The following ABI3 variants were observed in gnomAD, a reference collection of about 807,000 sequenced individuals.
ABI3 encodes ABI family member 3, also known as ABI gene family member 3.
ABI3 carries 24 observed loss-of-function variants against 37.0 expected under a neutral mutation model. That is an observed-to-expected ratio of 0.65 (90% CI 0.47 to 0.91). ABI3 has a LOEUF of 0.91. Among genes scored for constraint, ABI3 ranks in the 40% least tolerant of loss-of-function variants. The pLI is 0.00. For synonymous variants in ABI3, 220 were observed against 211.8 expected, an observed-to-expected ratio of 1.04 and a Z score of -0.34; for missense variants, 481 against 485.1, an observed-to-expected ratio of 0.99 and a Z score of 0.08.
Position 49,219,733 on chromosome 17 carries a change from C to G in ABI3, c.548+108C>G. 16 of 1,412,990 alleles carry G rather than the reference C, an allele frequency of 1.1e-5. No individual in the cohort carries two copies. Among genetic ancestry groups the G allele is most frequent in the Non-Finnish European group, 1.6e-5 (16 of 1,031,386 alleles). 87.5% of individuals were successfully genotyped at this position (1,412,990 alleles called of 1,614,324 possible). A position where few individuals can be genotyped will look rare whatever the true frequency, so the allele number is the denominator to read the frequency against. ...CCCTGGCGCCCCCGGGTGCTCAGGC[C>G]GTCATGCTGGATGCCTGGCGCCAAA... On this transcript the variant is annotated intron_variant, in intron 4 of 7. Transcript: ENST00000225941. The surrounding 1 kb of genome is among the most constrained non-coding windows in gnomAD (Gnocchi z 4.3).
intron 2 of ABI3, among the ~76,000 whole-genome samples, chr17:49,217,052 G>A (rs1178606760): frequency 2.6e-5 from 4 of 152,088 alleles, no homozygotes; most frequent in African/African-American, 9.7e-5. Flanking sequence ...GTGCTAGCTT[G>A]ACAAGGTCAT....
intron 1 of ABI3, among the ~76,000 whole-genome samples, chr17:49,213,301 T>A (rs2043187489): frequency 6.6e-6 from 1 of 152,196 alleles, no homozygotes; most frequent in South Asian, 2.1e-4. Flanking sequence ...CTGACCCAAG[T>A]TGGAATCCTT....
chr17:49,214,778 A>C (rs1851883607), intron 1 of ABI3, among the ~76,000 whole-genome samples: 1 of 152,238 alleles, frequency 6.6e-6, no homozygotes, highest in South Asian at 2.1e-4. Flanking sequence ...ACTGACTGGC[A>C]GTGTGACCCT....
rs766087030 is a variant in ABI3, at chr17:49,222,188, T to C, written c.900T>C (p.Asp300=). ...LPPPPPGFGP[D]EPSWVPASYL... is the part of the protein sequence containing the mutation. ...CACCCCCACCAGGATTTGGGCCTGA[T>C]GAGCCCAGCTGGGTGCCTGCCTCAT... Residue 300 remains aspartate (D), a synonymous_variant, in exon 7 of 8, where the codon GAT becomes GAC. Transcript: ENST00000225941. 1 of 1,613,616 alleles carries C rather than the reference T, an allele frequency of 6.2e-7. No individual in the cohort carries two copies. Among genetic ancestry groups the C allele is most frequent in the African/African-American group, 1.3e-5 (1 of 74,910 alleles).
chr17:49,212,774 C>T (rs1020606873), intron 1 of ABI3, among the ~76,000 whole-genome samples: 5 of 152,216 alleles, frequency 3.3e-5, no homozygotes, highest in Admixed American at 2.6e-4. Context: ...ATGCCACTAA[C>T]TGAAAATGCT....
intron 6 of ABI3, among the ~76,000 whole-genome samples, chr17:49,220,976 G>T (rs1041468151): frequency 6.6e-6 from 1 of 150,918 alleles, no homozygotes; most frequent in Non-Finnish European, 1.5e-5. Flanking sequence ...ATCACTTGAG[G>T]TCAGGAGTTT....
rs557656782 is a variant in ABI3 at position 49,219,701 on chromosome 17, C to T, written c.548+76C>T. On this transcript the variant is annotated intron_variant, in intron 4 of 7. Coordinates refer to ENST00000225941, the MANE Select transcript of ABI3 (RefSeq NM_016428.3). The surrounding 1 kb of genome is among the most constrained non-coding windows in gnomAD (Gnocchi z 4.3). The stretch of plus-strand genomic sequence containing the variant: ...TGAAACTCTCCTCCCCCAGCCTCGC[C>T]ACCCACCCCTGGCGCCCCCGGGTGC... The T allele has an allele frequency of 6.1e-5, 90 of 1,467,450 alleles. No homozygotes were observed. The African/African-American group carries it at 1.0e-3, about 17-fold the overall frequency. The allele number at this position is 1,467,450 out of a possible 1,614,324, so 90.9% of individuals were successfully genotyped here.
intron 3 of ABI3, 139 bp downstream of exon 3, chr17:49,218,054 C>T (rs889249405): frequency 1.2e-5 from 10 of 845,406 alleles, no homozygotes; most frequent in Non-Finnish European, 1.7e-5. Flanking sequence ...AACCACCACT[C>T]TGAGCTCTTC....
intron 2 of ABI3, 34 bp from the exon 3 acceptor site, chr17:49,217,705 A>G: frequency 6.3e-7 from 1 of 1,575,090 alleles, no homozygotes; most frequent in South Asian, 1.2e-5. Flanking sequence ...GACACAGACC[A>G]CCCCTCTCTG....
Position 49,219,951 on chromosome 17 carries a change from C to T in ABI3, c.642C>T (p.Ala214=), listed in dbSNP as rs1372641432. 3.2e-6 allele frequency: 5 copies of T among 1,543,968 alleles called. No homozygotes were observed. The highest frequency in any genetic ancestry group is 2.4e-5 in the South Asian group (2 of 84,662). Residue 214 remains alanine (A), a splice_region_variant and synonymous_variant, in exon 5 of 8, where the codon GCC becomes GCT. Coordinates refer to ENST00000225941, the MANE Select transcript of ABI3 (RefSeq NM_016428.3). This position sits in a 1 kb window ranked among gnomAD's most constrained non-coding sequence, Gnocchi z 4.3. ...AASSAFSLAS[A]GSAEGVGGAP... ...CCTCTGCGTTTTCCCTGGCCTCGGC[C>T]GGGTGAGACCTACAAGCCCACGTGG...
Position 49,211,340 on chromosome 17 carries a change from A to G in ABI3, c.117+499A>G, listed in dbSNP as rs536586250. Among the ~76,000 whole-genome samples, 6 of 152,228 alleles carry G rather than the reference A, an allele frequency of 3.9e-5. No homozygotes were observed. In the East Asian group the frequency reaches 7.7e-4, roughly 20 times the overall value. On this transcript the variant is annotated intron_variant, in intron 1 of 7. Coordinates refer to ENST00000225941, the MANE Select transcript of ABI3 (RefSeq NM_016428.3). The stretch of plus-strand genomic sequence containing the variant: ...AGGCAGAGTAGGCTGGGCTAAAGAG[A>G]GGGGATCTCATGCAGAGGCAGGGGG...
intron 7 of ABI3, 98 bp downstream of exon 7, chr17:49,222,323 G>C: frequency 2.7e-6 from 4 of 1,485,026 alleles, no homozygotes; most frequent in Non-Finnish European, 3.6e-6. Flanking sequence ...TCTATCCCCC[G>C]GGCCCCCCAC....
Position 49,219,578 on chromosome 17 carries a change from TCGAAAGA to T in ABI3, c.502_508del (p.Arg168AlafsTer145). Reference sequence around the variant, plus strand: ...AGCTGTCAAGAACAGGCACCCTGTCTCGAAAGAGCATCAAGGCCCCTGCCACACCCGC... The same window carrying T: ...AGCTGTCAAGAACAGGCACCCTGTCTGCATCAAGGCCCCTGCCACACCCGC... On this transcript the variant is annotated frameshift_variant, in exon 4 of 8. Coordinates refer to ENST00000225941, the MANE Select transcript of ABI3 (RefSeq NM_016428.3). LOFTEE classifies it high-confidence loss of function. This position sits in a 1 kb window ranked among gnomAD's most constrained non-coding sequence, Gnocchi z 4.3. 1 of 1,604,536 alleles carries T rather than the reference TCGAAAGA, an allele frequency of 6.2e-7. No homozygotes were observed. The highest frequency in any genetic ancestry group is 8.5e-7 in the Non-Finnish European group (1 of 1,175,938).
intron 7 of ABI3, 34 bp downstream of exon 7, chr17:49,222,259 C>A: frequency 6.2e-7 from 1 of 1,602,372 alleles, no homozygotes. Flanking sequence ...GGCACCGGAT[C>A]CCACTTCCTC....
rs1441171866 is a variant in ABI3, at chr17:49,222,082, T to TC, written c.803-4dup. 3 of 1,583,980 alleles carry TC rather than the reference T, an allele frequency of 1.9e-6. No individual in the cohort carries two copies. The highest frequency in any genetic ancestry group is 1.4e-5 in the African/African-American group (1 of 73,768). ...GCCACACTTACAGCCTTTCTGCTTT[T>TC]CCCCCAAGACGAAGAGCTGCCCCTG... On this transcript the variant is annotated splice_polypyrimidine_tract_variant and intron_variant, in intron 6 of 7. Coordinates refer to ENST00000225941, the MANE Select transcript of ABI3 (RefSeq NM_016428.3).
intron 3 of ABI3, among the ~76,000 whole-genome samples, chr17:49,218,411 C>T (rs143866438): frequency 3.2e-4 from 48 of 152,300 alleles, no homozygotes; most frequent in Admixed American, 1.0e-3. Flanking sequence ...CAGCCTATGT[C>T]CTTCTGCGAG....
At position 49,217,855 on chromosome 17, in the gene ABI3, G is replaced by A. The variant is rs1348206891; in HGVS notation, c.402G>A (p.Thr134=). The A allele has an allele frequency of 3.7e-6, 6 of 1,601,844 alleles. No individual in the cohort carries two copies. The African/African-American group carries it at 4.0e-5, about 11-fold the overall frequency. The part of the protein sequence containing the change: ...VIAPENLPPL[T]PYCRRPLNFG... ...CCCCAGAGAACCTACCCCCTCTCACGCCCTACTGCAGGAGACCCCTCAACT... is the reference window on the plus strand; with the variant it reads ...CCCCAGAGAACCTACCCCCTCTCACACCCTACTGCAGGAGACCCCTCAACT... The change falls in exon 3 of 8, where the codon ACG becomes ACA. Residue 134 remains threonine (T), a synonymous_variant. Coordinates refer to ENST00000225941, the MANE Select transcript of ABI3 (RefSeq NM_016428.3).
chr17:49,222,285 C>A, intron 7 of ABI3, 60 bp downstream of exon 7: 1 of 1,565,078 alleles, frequency 6.4e-7, no homozygotes, highest in Admixed American at 1.8e-5. Context: ...CCCTGATCCC[C>A]ATTCTCCTCC....
intron 1 of ABI3, among the ~76,000 whole-genome samples, chr17:49,215,154 A>T (rs908519408): frequency 1.3e-5 from 2 of 152,180 alleles, no homozygotes; most frequent in Admixed American, 1.3e-4. Context: ...GCTAATAAGG[A>T]TTCTGAAAAT....
Sources: gnomAD v4.1 joint callset for allele counts (sites outside exome capture counted in the v4.1 genomes callset) on GRCh38, gnomAD v4.1.1 for gene constraint, Gnocchi (gnomAD v3.1) non-coding constraint, MANE v1.5 for transcripts, NCBI Gene and HGNC (gene_info 2026-07-23, HGNC 2026-07-21) for gene names.